LFNG: variants seen among roughly 807,000 people sequenced by gnomAD.
LFNG encodes beta-1,3-N-acetylglucosaminyltransferase lunatic fringe.
Under a neutral mutation model 32.7 loss-of-function variants are expected in LFNG, and 15 were observed. The observed-to-expected ratio is 0.46, with a 90% confidence interval of 0.31 to 0.71. LFNG has a LOEUF of 0.71. Ranked by LOEUF, LFNG falls within the 30% of genes least tolerant of loss-of-function variation. The pLI, the probability that LFNG is intolerant of heterozygous loss-of-function variation, is 0.06. For missense variants in LFNG, 520 were observed against 545.7 expected (o/e 0.95, Z 0.47); for synonymous variants, 274 against 246.8 (o/e 1.11, Z -1.03).
At position 2,526,078 on chromosome 7, in the gene LFNG, G is replaced by A. The variant is rs1253366149; in HGVS notation, c.822-166G>A. 1.3e-5 allele frequency among the ~76,000 whole-genome samples: 2 copies of A among 152,102 alleles called. No homozygotes were observed. The highest frequency in any genetic ancestry group is 1.3e-4 in the Admixed American group (2 of 15,280). On this transcript the variant is annotated intron_variant, in intron 5 of 7. Transcript: ENST00000222725. This position sits in a 1 kb window ranked among gnomAD's most constrained non-coding sequence, Gnocchi z 6.9. ...ACGGAGCACAGGAGCTGTGCAGGGAGTGTGCCCTGGCTGTGGCCAGGGGAG... is the reference window on the plus strand; with the variant it reads ...ACGGAGCACAGGAGCTGTGCAGGGAATGTGCCCTGGCTGTGGCCAGGGGAG...
chr7:2,518,381 C>T (rs992948074), upstream of LFNG, among the ~76,000 whole-genome samples: 1 of 152,198 alleles, frequency 6.6e-6, no homozygotes, highest in African/African-American at 2.4e-5. Context: ...GAACCCCCAT[C>T]CCCCACACCA....
intron 1 of LFNG, chr7:2,512,774 C>T (rs1183151195): frequency 3.0e-6 from 4 of 1,319,822 alleles, no homozygotes; most frequent in Non-Finnish European, 4.4e-6. Context: ...ACCTGGAGCC[C>T]CCTATGTCTC....
chr7:2,518,049 G>T (rs1779672512), upstream of LFNG: 1 of 502,888 alleles, frequency 2.0e-6, no homozygotes. Context: ...TCAGATATGG[G>T]AGAGCCTGAA....
rs755042190 is a variant in LFNG, at chr7:2,526,301, C to CGG, written c.880_881dup (p.Tyr295AlafsTer37). On this transcript the variant is annotated frameshift_variant, in exon 6 of 8. Coordinates refer to ENST00000222725, the MANE Select transcript of LFNG (RefSeq NM_001040167.2). LOFTEE classifies it high-confidence loss of function. This position sits in a 1 kb window ranked among gnomAD's most constrained non-coding sequence, Gnocchi z 6.9. ...TCCGGCTGCCTGATGACTGCACCAT[C>CGG]GGCTACATCGTGGAGGCCCTGCTGG... The CGG allele has an allele frequency of 6.2e-7, 1 of 1,612,962 alleles. No individual in the cohort carries two copies. The highest frequency in any genetic ancestry group is 8.5e-7 in the Non-Finnish European group (1 of 1,179,962).
At chr7:2,521,452 G>C (rs1779789910) in intron 1 of LFNG, among the ~76,000 whole-genome samples, 1 of 152,250 alleles carries the variant, frequency 6.6e-6, no homozygotes, top group South Asian at 2.1e-4. Context: ...TCTCCAGCGA[G>C]AAAGGCGTCG....
At position 2,527,733 on chromosome 7, in the gene LFNG, C is replaced by T. The variant is rs1008765081; in HGVS notation, c.*521C>T. On this transcript the variant is annotated 3_prime_UTR_variant, in exon 8 of 8. Coordinates refer to ENST00000222725, the MANE Select transcript of LFNG (RefSeq NM_001040167.2). The surrounding 1 kb of genome is among the most constrained non-coding windows in gnomAD (Gnocchi z 4.4). ...GGGGGTGCGTGACCCAATCCCCTTC[C>T]TCCTGGCCTGGACGCTGTGGCTTAA... is the stretch of plus-strand genomic sequence containing the variant. The T allele has an allele frequency of 2.9e-6, 3 of 1,041,018 alleles. No individual in the cohort carries two copies. Among genetic ancestry groups the T allele is most frequent in the South Asian group, 6.5e-5 (2 of 30,608 alleles). 64.5% of individuals were successfully genotyped at this position (1,041,018 alleles called of 1,614,324 possible).
At chr7:2,516,395 G>A (rs1042661237), upstream of LFNG, among the ~76,000 whole-genome samples, 3 of 152,230 alleles carry the variant, frequency 2.0e-5, no homozygotes, top group Non-Finnish European at 4.4e-5. Context: ...CCAAGGAACA[G>A]CCCGGGGGAG....
chr7:2,526,133 T>C lies in LFNG; in HGVS notation c.822-111T>C. The C allele has an allele frequency of 1.7e-6, 2 of 1,186,396 alleles. No homozygotes were observed. Among genetic ancestry groups the C allele is most frequent in the Non-Finnish European group, 2.4e-6 (2 of 826,206 alleles). 73.5% of individuals were successfully genotyped at this position (1,186,396 alleles called of 1,614,324 possible). A position where few individuals can be genotyped will look rare whatever the true frequency, so the allele number is the denominator to read the frequency against. On this transcript the variant is annotated intron_variant, in intron 5 of 7. Coordinates refer to ENST00000222725, the MANE Select transcript of LFNG (RefSeq NM_001040167.2). The surrounding 1 kb of genome is among the most constrained non-coding windows in gnomAD (Gnocchi z 6.9). ...AGGGAGCTGCAGCCCAGAGCTCTCC[T>C]CAGGGCTCCTCTCCCTGAGGAGTGC...
rs1779743155 is a variant in LFNG, at chr7:2,520,078, A to G, written c.217A>G (p.Ser73Gly). The change falls in exon 1 of 8, where the codon AGT becomes GGT. Residue 73 changes from serine (S) to glycine (G), a missense_variant. Transcript: ENST00000222725. This position sits in a 1 kb window ranked among gnomAD's most constrained non-coding sequence, Gnocchi z 5.0. ...CGGGGCGCTGGTCCGCGACGTGCAC[A>G]GTCTGTCCGAGTACTTCAGCCTGCT... Reference protein sequence around the residue: ...APGALVRDVHSLSEYFSLLTR... With the variant: ...APGALVRDVHGLSEYFSLLTR... The G allele has an allele frequency of 7.9e-7, 1 of 1,273,170 alleles. No homozygotes were observed. Among genetic ancestry groups the G allele is most frequent in the Non-Finnish European group, 1.0e-6 (1 of 1,001,362 alleles). 78.9% of individuals were successfully genotyped at this position (1,273,170 alleles called of 1,614,324 possible).
At chr7:2,528,766 GC>G, downstream of LFNG, 1 of 645,506 alleles carries the variant, frequency 1.5e-6, no homozygotes, top group Admixed American at 2.5e-5. Context: ...GGGGAGCCCA[GC>G]CCCTGCAGGA....
Position 2,527,645 on chromosome 7 carries a change from C to G in LFNG, c.*433C>G. On this transcript the variant is annotated 3_prime_UTR_variant, in exon 8 of 8. Coordinates refer to ENST00000222725, the MANE Select transcript of LFNG (RefSeq NM_001040167.2). The surrounding 1 kb of genome is among the most constrained non-coding windows in gnomAD (Gnocchi z 4.4). ...GGTACCTGTGCCCTGAAGTCCTGGC[C>G]CCTGTGTCATAGCCCCAAGTACGAC... The G allele has an allele frequency of 8.7e-7, 1 of 1,148,214 alleles. No homozygotes were observed. Among genetic ancestry groups the G allele is most frequent in the Non-Finnish European group, 1.1e-6 (1 of 922,932 alleles). The allele number at this position is 1,148,214 out of a possible 1,614,324, so 71.1% of individuals were successfully genotyped here.
At chr7:2,528,881 A>G (rs1780075475), downstream of LFNG, 1 of 569,162 alleles carries the variant, frequency 1.8e-6, no homozygotes, top group Non-Finnish European at 3.3e-6. Flanking sequence ...CAGGTGGGGA[A>G]ACTGAGGCAC....
upstream of LFNG, among the ~76,000 whole-genome samples, chr7:2,516,175 C>T (rs962301718): frequency 6.6e-6 from 1 of 152,248 alleles, no homozygotes; most frequent in Non-Finnish European, 1.5e-5. Context: ...CCACAGCCAC[C>T]ACCATGCTGA....
chr7:2,520,362 C>T lies in LFNG; in HGVS notation c.432+69C>T. ...ACCCACCATCTGGTCCAGCTGGTGG[C>T]AGTGTCCCATGGGAGTCAGGCTGCA... On this transcript the variant is annotated intron_variant, in intron 1 of 7. Transcript: ENST00000222725. This position sits in a 1 kb window ranked among gnomAD's most constrained non-coding sequence, Gnocchi z 5.0. 1.4e-6 allele frequency: 2 copies of T among 1,403,864 alleles called. No individual in the cohort carries two copies. The highest frequency in any genetic ancestry group is 9.9e-7 in the Non-Finnish European group (1 of 1,013,900). 87.0% of individuals were successfully genotyped at this position (1,403,864 alleles called of 1,614,324 possible).
At chr7:2,517,918 C>G (rs1281965058), upstream of LFNG, 1 of 1,155,934 alleles carries the variant, frequency 8.7e-7, no homozygotes, top group Non-Finnish European at 1.1e-6. Flanking sequence ...AGTTGTCCAG[C>G]TGCTGCGTGG....
upstream of LFNG, chr7:2,517,745 G>A: frequency 1.7e-6 from 1 of 578,828 alleles, no homozygotes; most frequent in Non-Finnish European, 3.0e-6. Flanking sequence ...TTGGGGGCTT[G>A]GCCATGCTTG....
upstream of LFNG, chr7:2,513,013 T>C (rs1272058012): frequency 3.9e-6 from 3 of 769,950 alleles, no homozygotes; most frequent in Admixed American, 7.5e-5. Flanking sequence ...AATGTCACCA[T>C]CTTTTCCTGG....
chr7:2,524,983 G>A (rs988576009), intron 2 of LFNG, among the ~76,000 whole-genome samples: 3 of 152,238 alleles, frequency 2.0e-5, no homozygotes, highest in African/African-American at 2.4e-5. Flanking sequence ...AACAGGTGGC[G>A]GGTGCTGGGA....
rs1279855613 is a variant in LFNG, at chr7:2,527,465, G to T, written c.*253G>T. 1 of 1,410,578 alleles carries T rather than the reference G, an allele frequency of 7.1e-7. No individual in the cohort carries two copies. Among genetic ancestry groups the T allele is most frequent in the African/African-American group, 1.4e-5 (1 of 69,272 alleles). 87.4% of individuals were successfully genotyped at this position (1,410,578 alleles called of 1,614,324 possible). On this transcript the variant is annotated 3_prime_UTR_variant, in exon 8 of 8. Coordinates refer to ENST00000222725, the MANE Select transcript of LFNG (RefSeq NM_001040167.2). This position sits in a 1 kb window ranked among gnomAD's most constrained non-coding sequence, Gnocchi z 4.4. ...CGAGGGCCAGTGGGCTGCAGGGCCT[G>T]CTTGGAGGAAGGATTTGTGTGTCGG...
Sources: allele counts gnomAD v4.1 joint callset (sites outside exome capture counted in the v4.1 genomes callset), GRCh38; gene constraint gnomAD v4.1.1; non-coding constraint Gnocchi (gnomAD v3.1); transcripts MANE v1.5; gene names NCBI Gene and HGNC (gene_info 2026-07-23, HGNC 2026-07-21).